The following NCKAP5 variants were observed in gnomAD, a reference collection of about 807,000 sequenced individuals.
NCKAP5 encodes NCK associated protein 5.
In NCKAP5, 92 loss-of-function variants were observed where a neutral mutation model predicts 167.0. That is an observed-to-expected ratio of 0.55 (90% CI 0.47 to 0.66). The LOEUF is 0.66. Among genes scored for constraint, NCKAP5 ranks in the 30% least tolerant of loss-of-function variants. The pLI is 0.00. For synonymous variants in NCKAP5, 891 were observed against 877.4 expected (o/e 1.02, Z -0.27); for missense variants, 2,378 against 2,315.0 (o/e 1.03, Z -0.56).
chr2:133,014,296 T>C (rs2078261473), intron 6 of NCKAP5, among the ~76,000 whole-genome samples: 1 of 152,222 alleles, frequency 6.6e-6, no homozygotes, highest in Non-Finnish European at 1.5e-5. Context: ...TTAAAATATA[T>C]GCCTTTGCTT....
At chr2:132,743,050 T>A (rs1679339340) in intron 16 of NCKAP5, among the ~76,000 whole-genome samples, 1 of 143,784 alleles carries the variant, frequency 7.0e-6, no homozygotes, top group African/African-American at 2.7e-5. Context: ...AGAATTAAAT[T>A]GTTACAGAAA....
intron 4 of NCKAP5, among the ~76,000 whole-genome samples, chr2:133,262,818 G>T (rs79123696): frequency 5.9e-5 from 9 of 152,150 alleles, no homozygotes; most frequent in South Asian, 2.1e-4. Flanking sequence ...AAGCAGGAAG[G>T]CTTGTTCTCC....
chr2:133,269,329 G>T (rs1362892191), intron 4 of NCKAP5, among the ~76,000 whole-genome samples: 1 of 152,184 alleles, frequency 6.6e-6, no homozygotes, highest in Non-Finnish European at 1.5e-5. Context: ...CTATTAGAAG[G>T]TAATCAGTGC....
At chr2:133,488,792 T>C (rs546728057) in intron 3 of NCKAP5, among the ~76,000 whole-genome samples, 1 of 152,286 alleles carries the variant, frequency 6.6e-6, no homozygotes, top group African/African-American at 2.4e-5. Flanking sequence ...GGCACGCACC[T>C]ATAGTCTCAG....
intron 3 of NCKAP5, among the ~76,000 whole-genome samples, chr2:133,349,707 G>A (rs1468654562): frequency 6.6e-6 from 1 of 152,088 alleles, no homozygotes; most frequent in Non-Finnish European, 1.5e-5. Flanking sequence ...AACCTCTTGG[G>A]AAGCACAAAG....
intron 6 of NCKAP5, among the ~76,000 whole-genome samples, chr2:133,124,206 T>C (rs554922871): frequency 6.6e-6 from 1 of 152,268 alleles, no homozygotes; most frequent in South Asian, 2.1e-4. Context: ...GAGTGAAAGC[T>C]TGAGTTCCAT....
intron 11 of NCKAP5, among the ~76,000 whole-genome samples, chr2:132,802,115 G>T (rs1402466842): frequency 6.6e-6 from 1 of 152,142 alleles, no homozygotes; most frequent in African/African-American, 2.4e-5. Context: ...GCACAAAAGA[G>T]AAGTTTTAAC....
intron 4 of NCKAP5, among the ~76,000 whole-genome samples, chr2:133,217,911 T>C (rs1383567226): frequency 6.6e-6 from 1 of 152,092 alleles, no homozygotes; most frequent in Middle Eastern, 3.2e-3. Context: ...ATTCTAAAAT[T>C]ACGAAAAGTA....
chr2:133,465,922 T>C (rs1179609490), intron 3 of NCKAP5, among the ~76,000 whole-genome samples: 2 of 148,490 alleles, frequency 1.3e-5, no homozygotes, highest in Non-Finnish European at 3.0e-5. Flanking sequence ...CTTTGTCAGA[T>C]GAGTAGGTTG....
chr2:132,696,991 G>A (rs578197021), intron 19 of NCKAP5, among the ~76,000 whole-genome samples: 5 of 152,216 alleles, frequency 3.3e-5, no homozygotes, highest in African/African-American at 9.6e-5. Context: ...GGGCTCAAGC[G>A]ATCCTCCCAC....
chr2:133,074,178 G>C (rs2080516140), intron 6 of NCKAP5, among the ~76,000 whole-genome samples: 2 of 151,808 alleles, frequency 1.3e-5, no homozygotes, highest in South Asian at 4.2e-4. Flanking sequence ...TCTATATTTT[G>C]ACTTTGACAA....
chr2:133,118,206 T>C (rs947247508), intron 6 of NCKAP5: 1 of 152,132 alleles, frequency 6.6e-6, no homozygotes, highest in African/African-American at 2.4e-5. Flanking sequence ...TACCCTACGA[T>C]CCTTGGCAAC....
chr2:132,728,281 C>T (rs921817740), intron 18 of NCKAP5, among the ~76,000 whole-genome samples: 1 of 152,250 alleles, frequency 6.6e-6, no homozygotes, highest in Non-Finnish European at 1.5e-5. Flanking sequence ...CATAGCCACC[C>T]ATCAGGAGTT....
In NCKAP5 at chr2:133,133,059, T is replaced by C. The variant is rs1160742764; in HGVS notation, c.208-2948A>G. Reference sequence around the variant, plus strand: ...TATTTTTTTTCTGTATTCGCTATATTCTGGATATAAATTGATCTATCCCCA... The same window carrying C: ...TATTTTTTTTCTGTATTCGCTATATCCTGGATATAAATTGATCTATCCCCA... On this transcript the variant is annotated intron_variant, in intron 5 of 19. Transcript: ENST00000409261. 2.0e-5 allele frequency among the ~76,000 whole-genome samples: 3 copies of C among 152,320 alleles called. No homozygotes were observed. The East Asian group carries it at 5.8e-4, about 29-fold the overall frequency.
chr2:133,284,184 T>C (rs1228568763), intron 4 of NCKAP5, among the ~76,000 whole-genome samples: 1 of 151,746 alleles, frequency 6.6e-6, no homozygotes. Flanking sequence ...TGATTGTATA[T>C]AATATAAATA....
intron 3 of NCKAP5, among the ~76,000 whole-genome samples, chr2:133,373,350 C>G (rs936498374): frequency 6.6e-6 from 1 of 152,010 alleles, no homozygotes; most frequent in African/African-American, 2.4e-5. Flanking sequence ...TGAGCCACCA[C>G]GCCTGGCCAA....
chr2:132,869,037 AT>A, intron 9 of NCKAP5, 63 bp from the exon 10 acceptor site: 1 of 1,206,146 alleles, frequency 8.3e-7, no homozygotes. Flanking sequence ...ACCGACTCTA[AT>A]TTACCAATAA....
chr2:133,476,813 C>G (rs1254920290), intron 3 of NCKAP5, among the ~76,000 whole-genome samples: 1 of 152,150 alleles, frequency 6.6e-6, no homozygotes, highest in African/African-American at 2.4e-5. Context: ...GAAAATACAT[C>G]TGATTTCCCG....
intron 19 of NCKAP5, among the ~76,000 whole-genome samples, chr2:132,721,849 A>T (rs1689960695): frequency 6.6e-6 from 1 of 152,174 alleles, no homozygotes; most frequent in African/African-American, 2.4e-5. Context: ...CAGGTCGCAG[A>T]CACCTTGGTG....
Sources: allele counts gnomAD v4.1 joint callset (sites outside exome capture counted in the v4.1 genomes callset), GRCh38; gene constraint gnomAD v4.1.1; transcripts MANE v1.5; gene names NCBI Gene and HGNC (gene_info 2026-07-23, HGNC 2026-07-21).